CSMD1: variants seen among roughly 807,000 people sequenced by gnomAD.
CSMD1 encodes CUB and sushi domain-containing protein 1.
In CSMD1, 213 loss-of-function variants were observed where a neutral mutation model predicts 417.5. The observed-to-expected ratio is 0.51, with a 90% confidence interval of 0.46 to 0.57. The LOEUF is 0.57. CSMD1 is among the 20% of genes least tolerant of loss of function. The pLI, the probability that CSMD1 is intolerant of heterozygous loss-of-function variation, is 0.00. For synonymous variants in CSMD1, 2,862 were observed against 1,736.8 expected (o/e 1.65, Z -16.11); for missense variants, 6,923 against 4,529.7 (o/e 1.53, Z -15.17).
At chr8:4,838,409 G>T (rs1012926735) in intron 1 of CSMD1, among the ~76,000 whole-genome samples, 2 of 152,246 alleles carry the variant, frequency 1.3e-5, no homozygotes, top group East Asian at 3.9e-4. Flanking sequence ...CCTGATATTT[G>T]TTCTATGGTA....
At chr8:4,613,411 C>T (rs954945778) in intron 2 of CSMD1, among the ~76,000 whole-genome samples, 1 of 152,170 alleles carries the variant, frequency 6.6e-6, no homozygotes, top group African/African-American at 2.4e-5. Context: ...TAGGCAAGCT[C>T]ATGCTACTCA....
intron 10 of CSMD1, among the ~76,000 whole-genome samples, chr8:3,530,318 G>A (rs769444204): frequency 4.6e-5 from 7 of 151,982 alleles, no homozygotes; most frequent in Non-Finnish European, 1.0e-4. Flanking sequence ...TCTTGGCCCT[G>A]TTTTGGCTGC....
At chr8:4,061,535 G>A (rs1319043714) in intron 3 of CSMD1, among the ~76,000 whole-genome samples, 2 of 152,178 alleles carry the variant, frequency 1.3e-5, no homozygotes, top group East Asian at 3.9e-4. Context: ...AAGCTGCAGT[G>A]AAGAAAGCCT....
intron 3 of CSMD1, among the ~76,000 whole-genome samples, chr8:4,183,779 T>C (rs1798512510): frequency 6.6e-6 from 1 of 152,226 alleles, no homozygotes; most frequent in Non-Finnish European, 1.5e-5. Context: ...TGAAAGCTTT[T>C]CTTTCAGCAT....
chr8:4,992,697 C>G (rs1811536716), intron 1 of CSMD1, among the ~76,000 whole-genome samples: 1 of 152,248 alleles, frequency 6.6e-6, no homozygotes, highest in African/African-American at 2.4e-5. Flanking sequence ...TGACCAGAGG[C>G]CGCTGCCAGT....
At chr8:3,115,194 TCC>T (rs5888947) in intron 42 of CSMD1, among the ~76,000 whole-genome samples, 38,128 of 109,110 alleles carry the variant, frequency 0.35, 7,322 homozygotes, top group African/African-American at 0.53. Context: ...ACAATTACAA[TCC>T]CCCCCCCCCC....
chr8:3,562,443 T>TACACACATGCACACACACGTGC (rs1799511986), intron 10 of CSMD1, among the ~76,000 whole-genome samples: 1 of 34,962 alleles, frequency 2.9e-5, no homozygotes, highest in Non-Finnish European at 7.7e-5. Flanking sequence ...CACGTGCACA[T>TACACACATGCACACACACGTGC]ACACATACTC....
intron 3 of CSMD1, among the ~76,000 whole-genome samples, chr8:4,292,915 C>T (rs1332325815): frequency 1.3e-5 from 2 of 152,128 alleles, no homozygotes; most frequent in Non-Finnish European, 2.9e-5. Context: ...TCTGCAAATT[C>T]ATGGATAGTA....
chr8:3,819,662 C>CGGCCT (rs1170635023), intron 5 of CSMD1, among the ~76,000 whole-genome samples: 3 of 152,072 alleles, frequency 2.0e-5, no homozygotes, highest in African/African-American at 7.2e-5. Flanking sequence ...TGACTCACTG[C>CGGCCT]GGCCTTGGCC....
At chr8:4,527,908 C>A (rs1347268912) in intron 2 of CSMD1, among the ~76,000 whole-genome samples, 3 of 152,142 alleles carry the variant, frequency 2.0e-5, no homozygotes, top group Non-Finnish European at 2.9e-5. Flanking sequence ...AGGCAACCTA[C>A]AGGGCGTGCC....
In CSMD1 at chr8:3,415,632, T is replaced by C. The variant is rs1035193906; in HGVS notation, c.1562-6027A>G. Among the ~76,000 whole-genome samples, 4 of 152,224 alleles carry C rather than the reference T, an allele frequency of 2.6e-5. No individual in the cohort carries two copies. The East Asian group carries it at 7.7e-4, about 29-fold the overall frequency. ...CCTCTAGCCTCCCAACAGGCTGCGATTACAGGCGTGAGCCATTGTGCCTGG... is the reference window on the plus strand; with the variant it reads ...CCTCTAGCCTCCCAACAGGCTGCGACTACAGGCGTGAGCCATTGTGCCTGG... On this transcript the variant is annotated intron_variant, in intron 12 of 69. Coordinates refer to ENST00000635120, the MANE Select transcript of CSMD1 (RefSeq NM_033225.6).
At chr8:4,453,261 A>C (rs1799260755) in intron 2 of CSMD1, among the ~76,000 whole-genome samples, 2 of 151,432 alleles carry the variant, frequency 1.3e-5, no homozygotes, top group South Asian at 4.2e-4. Flanking sequence ...TCCTAGCTGT[A>C]CCTAATGTAA....
At chr8:3,939,731 C>T (rs1447608232) in intron 5 of CSMD1, among the ~76,000 whole-genome samples, 9 of 151,968 alleles carry the variant, frequency 5.9e-5, no homozygotes, top group African/African-American at 1.9e-4. Context: ...CTTGGATGAA[C>T]CTGGAGACCA....
chr8:3,836,971 A>G (rs537439509), intron 5 of CSMD1, among the ~76,000 whole-genome samples: 2 of 152,092 alleles, frequency 1.3e-5, no homozygotes, highest in Non-Finnish European at 2.9e-5. Context: ...TTTATAAAAG[A>G]AAACAGAACT....
rs981758376 is a variant in CSMD1 at position 4,415,408 on chromosome 8, A to C, written c.415+4545T>G. Among the ~76,000 whole-genome samples the C allele has an allele frequency of 3.3e-5, 5 of 152,176 alleles. 1 individual carries two copies. Among genetic ancestry groups the C allele is most frequent in the South Asian group, 2.1e-4 (1 of 4,830 alleles). On this transcript the variant is annotated intron_variant, in intron 3 of 69. Transcript: ENST00000635120. ...AGACCTTCTATTCCGGGTTTGACAC[A>C]AAGTAGGCATTTAGCGCACGTGCTT...
intron 5 of CSMD1, among the ~76,000 whole-genome samples, chr8:3,907,793 C>A (rs576046817): frequency 6.6e-6 from 1 of 152,300 alleles, no homozygotes; most frequent in South Asian, 2.1e-4. Context: ...ACCCGCTGCT[C>A]GTATCAAACA....
chr8:4,357,635 T>C (rs1348429647), intron 3 of CSMD1, among the ~76,000 whole-genome samples: 8 of 152,130 alleles, frequency 5.3e-5, no homozygotes, highest in African/African-American at 1.9e-4. Context: ...ATAAATACAA[T>C]ATCTACAGGT....
chr8:4,153,760 C>G (rs549279054), intron 3 of CSMD1, among the ~76,000 whole-genome samples: 2 of 152,196 alleles, frequency 1.3e-5, no homozygotes, highest in Admixed American at 6.5e-5. Context: ...TGACCCTGTG[C>G]TCTAAAACCC....
rs554061935 is a variant in CSMD1, at chr8:4,582,844, G to C, written c.302+54498C>G. ...GGTGTGGAGGGAGAGGCGCGAGTGG[G>C]AACCAGGGCTGTGCGAGGCACTTGC... On this transcript the variant is annotated intron_variant, in intron 2 of 69. Transcript: ENST00000635120. Among the ~76,000 whole-genome samples the C allele has an allele frequency of 7.0e-4, 107 of 152,332 alleles. 1 individual carries two copies. The highest frequency in any genetic ancestry group is 2.5e-3 in the African/African-American group (102 of 41,586).
Sources: gnomAD v4.1 joint callset for allele counts (sites outside exome capture counted in the v4.1 genomes callset) on GRCh38, gnomAD v4.1.1 for gene constraint, MANE v1.5 for transcripts, NCBI Gene and HGNC (gene_info 2026-07-23, HGNC 2026-07-21) for gene names.